The following ZC3H12C variants were observed in gnomAD, a reference collection of about 807,000 sequenced individuals.
ZC3H12C encodes the protein probable ribonuclease ZC3H12C.
ZC3H12C carries 20 observed loss-of-function variants against 76.3 expected under a neutral mutation model. That is an observed-to-expected ratio of 0.26 (90% CI 0.18 to 0.38). The LOEUF (loss-of-function observed/expected upper bound fraction) is 0.38. Among genes scored for constraint, ZC3H12C ranks in the 10% least tolerant of loss-of-function variants. The pLI is 1.00. For missense variants in ZC3H12C, 874 were observed against 1,086.5 expected (o/e 0.80, Z 2.75); for synonymous variants, 352 against 399.6 (o/e 0.88, Z 1.42).
intron 3 of ZC3H12C, among the ~76,000 whole-genome samples, chr11:110,157,319 A>G (rs561313495): frequency 1.2e-4 from 19 of 152,168 alleles, no homozygotes; most frequent in African/African-American, 4.6e-4. Context: ...CTCATAGTCT[A>G]TCAACTGCAT....
rs1345035688 is a variant in ZC3H12C, at chr11:110,167,320, T to A, written c.*1583T>A. 6.6e-6 allele frequency: 1 copy of A among 152,220 alleles called. No homozygotes were observed. Among genetic ancestry groups the A allele is most frequent in the African/African-American group, 2.4e-5 (1 of 41,446 alleles). The allele number at this position is 152,220 out of a possible 1,614,324, so 9.4% of individuals were successfully genotyped here. A position where few individuals can be genotyped will look rare whatever the true frequency, so the allele number is the denominator to read the frequency against. On this transcript the variant is annotated 3_prime_UTR_variant, in exon 6 of 6. Coordinates refer to ENST00000278590, the MANE Select transcript of ZC3H12C (RefSeq NM_033390.2). ...AACTATTTTGATTTGTAGATCTAGT[T>A]AAAACACAAGTATGTAACTATGATT... is the stretch of plus-strand genomic sequence containing the variant.
At chr11:110,094,614 T>C (rs573985479) in intron 1 of ZC3H12C, among the ~76,000 whole-genome samples, 1 of 152,366 alleles carries the variant, frequency 6.6e-6, no homozygotes, top group South Asian at 2.1e-4. Flanking sequence ...TAATCACATG[T>C]ACAATTAATT....
chr11:110,165,605 GATTT>G lies in ZC3H12C; in HGVS notation c.2523_2526del (p.Tyr842SerfsTer12). 6.2e-7 allele frequency: 1 copy of G among 1,605,082 alleles called. No individual in the cohort carries two copies. Among genetic ancestry groups the G allele is most frequent in the Non-Finnish European group, 8.5e-7 (1 of 1,175,702 alleles). On this transcript the variant is annotated frameshift_variant, in exon 6 of 6. Transcript: ENST00000278590. LOFTEE classifies it high-confidence loss of function. ...CGAGGTATCAAGACAACCGAGAAAA[GATTT>G]ATATCAATTTGTGCAACATCTTCCC... is the stretch of plus-strand genomic sequence containing the variant.
Position 110,170,790 on chromosome 11 carries a change from TA to T in ZC3H12C, c.*5056del, listed in dbSNP as rs1409470143. ...AACAGCATGAACATCATCATCCACT[TA>T]AATAGTTAAACTTTCTTTTAAAATT... On this transcript the variant is annotated 3_prime_UTR_variant, in exon 6 of 6. Coordinates refer to ENST00000278590, the MANE Select transcript of ZC3H12C (RefSeq NM_033390.2). The T allele has an allele frequency of 6.6e-6, 1 of 152,242 alleles. No homozygotes were observed. The highest frequency in any genetic ancestry group is 2.4e-5 in the African/African-American group (1 of 41,460). 9.4% of individuals were successfully genotyped at this position (152,242 alleles called of 1,614,324 possible).
intron 1 of ZC3H12C, among the ~76,000 whole-genome samples, chr11:110,123,484 G>T (rs904355653): frequency 6.6e-6 from 1 of 152,172 alleles, no homozygotes; most frequent in Non-Finnish European, 1.5e-5. Context: ...AAGGAATGTT[G>T]TTTTTGTGGA....
intron 1 of ZC3H12C, among the ~76,000 whole-genome samples, chr11:110,126,216 C>CTTTTTTTTTTTTTTTTTTT (rs56199067): frequency 1.2e-5 from 1 of 86,262 alleles, no homozygotes; most frequent in African/African-American, 4.2e-5. Flanking sequence ...TTGTTTTCTT[C>CTTTTTTTTTTTTTTTTTTT]TTTTTTTTTT....
At chr11:110,148,793 C>G (rs1232133617) in intron 2 of ZC3H12C, among the ~76,000 whole-genome samples, 1 of 152,208 alleles carries the variant, frequency 6.6e-6, no homozygotes, top group African/African-American at 2.4e-5. Context: ...TGAATGTTCT[C>G]TATTTATAAG....
Position 110,168,929 on chromosome 11 carries a change from G to A in ZC3H12C, c.*3192G>A, listed in dbSNP as rs1862626513. 1 of 152,098 alleles carries A rather than the reference G, an allele frequency of 6.6e-6. No individual in the cohort carries two copies. Among genetic ancestry groups the A allele is most frequent in the South Asian group, 2.1e-4 (1 of 4,822 alleles). 9.4% of individuals were successfully genotyped at this position (152,098 alleles called of 1,614,324 possible). A position where few individuals can be genotyped will look rare whatever the true frequency, so the allele number is the denominator to read the frequency against. On this transcript the variant is annotated 3_prime_UTR_variant, in exon 6 of 6. Transcript: ENST00000278590. Reference sequence around the variant, plus strand: ...GTAATATAACTGAAGAGTATTTTATGTATATCTATATACACAAATATGTAT... The same window carrying A: ...GTAATATAACTGAAGAGTATTTTATATATATCTATATACACAAATATGTAT...
intron 1 of ZC3H12C, among the ~76,000 whole-genome samples, chr11:110,099,312 T>G (rs953983762): frequency 6.6e-6 from 1 of 152,238 alleles, no homozygotes; most frequent in African/African-American, 2.4e-5. Context: ...AAAAGTTATA[T>G]TGATATGTAT....
rs1200620929 is a variant in ZC3H12C, at chr11:110,134,126, C to T, written c.22-2537C>T. On this transcript the variant is annotated intron_variant, in intron 1 of 5. Transcript: ENST00000278590. ...CTCACAACAGCACTTATACAAAACC[C>T]AAACTTTTCAGGGGAGATCAAAAAT... Among the ~76,000 whole-genome samples the T allele has an allele frequency of 4.6e-5, 7 of 152,210 alleles. No individual in the cohort carries two copies. In the South Asian group the frequency reaches 1.0e-3, roughly 23 times the overall value.
intron 1 of ZC3H12C, among the ~76,000 whole-genome samples, chr11:110,108,621 C>T (rs1159176616): frequency 6.6e-6 from 1 of 152,332 alleles, no homozygotes; most frequent in East Asian, 1.9e-4. Context: ...TTTTTCTACA[C>T]TCTTCCAAAA....
At chr11:110,131,305 A>G in intron 1 of ZC3H12C, 1 of 572,108 alleles carries the variant, frequency 1.7e-6, no homozygotes, top group South Asian at 2.3e-5. Context: ...GTCTAGAGTT[A>G]TATAAATAAT....
rs572545652 is a variant in ZC3H12C at position 110,165,026 on chromosome 11, C to G, written c.1941C>G (p.Ser647=). The stretch of plus-strand genomic sequence containing the variant: ...CCTACGTGGGTTACAATGACCGGTC[C>G]TATGTCAGCTCCCCCGACCCACAGC... The part of the protein sequence containing the change: ...SDSYVGYNDR[S]YVSSPDPQLE... The change falls in exon 6 of 6, where the codon TCC becomes TCG. Residue 647 remains serine, a synonymous_variant. Coordinates refer to ENST00000278590, the MANE Select transcript of ZC3H12C (RefSeq NM_033390.2). 1 of 1,613,934 alleles carries G rather than the reference C, an allele frequency of 6.2e-7. No individual in the cohort carries two copies. Among genetic ancestry groups the G allele is most frequent in the South Asian group, 1.1e-5 (1 of 91,080 alleles).
intron 1 of ZC3H12C, among the ~76,000 whole-genome samples, chr11:110,111,823 G>A (rs979105118): frequency 3.3e-5 from 5 of 151,652 alleles, no homozygotes; most frequent in East Asian, 3.9e-4. Context: ...GATTACAGGC[G>A]TGAACCACTG....
At chr11:110,149,293 T>A (rs993614113) in intron 2 of ZC3H12C, among the ~76,000 whole-genome samples, 1 of 152,130 alleles carries the variant, frequency 6.6e-6, no homozygotes, top group Non-Finnish European at 1.5e-5. Flanking sequence ...TGCCTTTCCC[T>A]CGCCGTTTAA....
intron 1 of ZC3H12C, among the ~76,000 whole-genome samples, chr11:110,101,549 T>A (rs1861215206): frequency 6.5e-5 from 1 of 15,354 alleles, no homozygotes; most frequent in Non-Finnish European, 1.4e-4. Flanking sequence ...TCAATGCTAT[T>A]TTTTTTTTTT....
intron 1 of ZC3H12C, among the ~76,000 whole-genome samples, chr11:110,112,689 G>A (rs537012849): frequency 6.6e-6 from 1 of 152,212 alleles, no homozygotes; most frequent in African/African-American, 2.4e-5. Context: ...CCTTTTCCTT[G>A]CCTTTCACTC....
intron 1 of ZC3H12C, among the ~76,000 whole-genome samples, chr11:110,116,030 G>C (rs1861522152): frequency 6.6e-6 from 1 of 152,140 alleles, no homozygotes; most frequent in Admixed American, 6.5e-5. Flanking sequence ...AAAGTGCTGG[G>C]ATTACAGGCG....
intron 2 of ZC3H12C, among the ~76,000 whole-genome samples, chr11:110,146,132 G>A (rs1435282400): frequency 6.6e-6 from 1 of 152,064 alleles, no homozygotes; most frequent in Non-Finnish European, 1.5e-5. Context: ...GACCACAGGT[G>A]CCCGCCACCA....
Sources: allele counts gnomAD v4.1 joint callset (sites outside exome capture counted in the v4.1 genomes callset), GRCh38; gene constraint gnomAD v4.1.1; transcripts MANE v1.5; gene names NCBI Gene and HGNC (gene_info 2026-07-23, HGNC 2026-07-21).